The following MYO6 variants were observed in gnomAD, a reference collection of about 807,000 sequenced individuals.
The protein encoded by MYO6 is unconventional myosin-VI.
A neutral mutation model predicts 178.7 loss-of-function variants in MYO6; 74 were observed. That is an observed-to-expected ratio of 0.41 (90% confidence interval 0.34 to 0.50). MYO6 has a LOEUF of 0.50. Among genes scored for constraint, MYO6 ranks in the 20% least tolerant of loss-of-function variants. MYO6 has a pLI of 0.09. For synonymous variants in MYO6, 477 were observed against 504.6 expected (o/e 0.95, Z 0.73); for missense variants, 1,330 against 1,547.4 (o/e 0.86, Z 2.36).
At chr6:75,911,495 T>A (rs932894521) in intron 32 of MYO6, among the ~76,000 whole-genome samples, 177 bp from the exon 33 acceptor site, 2 of 151,928 alleles carry the variant, frequency 1.3e-5, no homozygotes, top group Non-Finnish European at 2.9e-5. Context: ...AATAGCCTTT[T>A]AAAAAAATCA....
At chr6:75,815,741 A>G (rs1346212522) in intron 1 of MYO6, among the ~76,000 whole-genome samples, 3 of 152,250 alleles carry the variant, frequency 2.0e-5, no homozygotes, top group African/African-American at 7.2e-5. Flanking sequence ...AATGAACTGT[A>G]TGCCAAACGT....
chr6:75,782,258 T>C (rs1767059216), intron 1 of MYO6, among the ~76,000 whole-genome samples: 1 of 152,202 alleles, frequency 6.6e-6, no homozygotes, highest in African/African-American at 2.4e-5. Context: ...TGTGTGTCAG[T>C]TTAAAATAGT....
chr6:75,867,196 A>T, intron 18 of MYO6, 91 bp downstream of exon 18: 6 of 1,086,210 alleles, frequency 5.5e-6, no homozygotes, highest in East Asian at 2.6e-5. Flanking sequence ...CACTGTCAGA[A>T]ATCTCACAGT....
chr6:75,909,363 C>CT (rs1191635583), intron 32 of MYO6, among the ~76,000 whole-genome samples: 1 of 152,208 alleles, frequency 6.6e-6, no homozygotes, highest in Non-Finnish European at 1.5e-5. Context: ...CATTTACACT[C>CT]TAATTCCTTT....
rs1443534092 is a variant in MYO6 at position 75,848,468 on chromosome 6, C to T, written c.1015C>T (p.Arg339Trp). Residue 339 changes from arginine (R) to tryptophan (W), a missense_variant, in exon 11 of 35, where the codon CGG (arginine) becomes TGG (tryptophan). Arg to Trp is a moderately radical substitution (Grantham distance 101). Transcript: ENST00000369977. ...TGATGAAGAAAAGCTTGATCTCTTC[C>T]GGGTAGTAGCTGGCGTCCTGCACCT... The part of the protein sequence containing the change: ...LDDEEKLDLF[R>W]VVAGVLHLGN... 5 of 1,613,810 alleles carry T rather than the reference C, an allele frequency of 3.1e-6. No homozygotes were observed. Among genetic ancestry groups the T allele is most frequent in the South Asian group, 1.1e-5 (1 of 91,070 alleles).
At chr6:75,816,745 A>G (rs1771287298) in intron 1 of MYO6, among the ~76,000 whole-genome samples, 2 of 152,258 alleles carry the variant, frequency 1.3e-5, no homozygotes, top group Middle Eastern at 6.8e-3. Flanking sequence ...TTTTACTTCC[A>G]CAGTTGATTT....
intron 1 of MYO6, among the ~76,000 whole-genome samples, chr6:75,785,285 T>G (rs1767421891): frequency 6.6e-6 from 1 of 152,176 alleles, no homozygotes; most frequent in Non-Finnish European, 1.5e-5. Flanking sequence ...CTTTCTCCTA[T>G]TTAAAAAGAA....
Position 75,754,519 on chromosome 6 carries a change from C to CAAAAAAAA in MYO6, c.-48+5116_-48+5123dup, listed in dbSNP as rs58162315. ...TGGACGATTGAGTGAGACTCCGTCT[C>CAAAAAAAA]AAAAAAAAAAAAAAAAAAAAAAAAA... On this transcript the variant is annotated intron_variant, in intron 1 of 34. Transcript: ENST00000369977. Among the ~76,000 whole-genome samples, 103 of 44,126 alleles carry CAAAAAAAA rather than the reference C, an allele frequency of 2.3e-3. 22 individuals are homozygous for CAAAAAAAA. Among genetic ancestry groups the CAAAAAAAA allele is most frequent in the South Asian group, 0.012 (8 of 644 alleles). The allele number at this position is 44,126 out of a possible 152,430, so 28.9% of individuals were successfully genotyped here.
chr6:75,870,615 G>T, intron 18 of MYO6, 32 bp from the exon 19 acceptor site: 8 of 1,596,048 alleles, frequency 5.0e-6, no homozygotes, highest in Non-Finnish European at 6.9e-6. Flanking sequence ...TTGGCTTTTT[G>T]AAATAATAAA....
At chr6:75,757,117 G>A (rs916990793) in intron 1 of MYO6, among the ~76,000 whole-genome samples, 12 of 143,930 alleles carry the variant, frequency 8.3e-5, no homozygotes, top group Non-Finnish European at 1.8e-4. Context: ...GTATATATGT[G>A]TATATATGTA....
intron 1 of MYO6, among the ~76,000 whole-genome samples, chr6:75,785,102 A>G (rs1048016912): frequency 1.3e-5 from 2 of 152,194 alleles, no homozygotes; most frequent in Admixed American, 6.5e-5. Context: ...TTGAGCATCA[A>G]CTGTATGCCA....
intron 8 of MYO6, 59 bp downstream of exon 8, chr6:75,840,741 G>GTAAC: frequency 8.1e-7 from 1 of 1,241,904 alleles, no homozygotes; most frequent in South Asian, 1.2e-5. Flanking sequence ...AAATGCAAGG[G>GTAAC]TCAGTTGGTG....
chr6:75,879,849 G>A lies in MYO6; in HGVS notation c.2107G>A (p.Gly703Ser), dbSNP rs753163582. 1.9e-6 allele frequency: 3 copies of A among 1,613,996 alleles called. No individual in the cohort carries two copies. The highest frequency in any genetic ancestry group is 3.3e-4 in the Middle Eastern group (2 of 6,062). The change falls in exon 21 of 35, where the codon GGT becomes AGT. Residue 703 changes from glycine (G) to serine (S), a missense_variant. Physicochemically the swap from Gly to Ser is moderately conservative, Grantham distance 56 (BLOSUM62 0). Coordinates refer to ENST00000369977, the MANE Select transcript of MYO6 (RefSeq NM_004999.4). ...GMVSVLDLMQ[G>S]GYPSRASFHE... ...GGTGTCTGTTTTGGACTTGATGCAG[G>A]GTGGTTACCCATCACGAGCTTCATT...
intron 1 of MYO6, among the ~76,000 whole-genome samples, chr6:75,757,711 G>T (rs1292038233): frequency 6.6e-6 from 1 of 151,764 alleles, no homozygotes; most frequent in Admixed American, 6.6e-5. Context: ...TCATTAACTT[G>T]GTCAAATTAT....
chr6:75,828,401 G>C (rs557036061), intron 3 of MYO6, 139 bp from the exon 4 acceptor site: 47 of 611,330 alleles, frequency 7.7e-5, no homozygotes, highest in African/African-American at 6.5e-4. Flanking sequence ...CATCAGCCAG[G>C]GTTTTAAAAA....
In MYO6 at chr6:75,886,914, T is replaced by G; in HGVS notation, c.2578T>G (p.Leu860Val). 6.2e-7 allele frequency: 1 copy of G among 1,613,780 alleles called. No homozygotes were observed. The highest frequency in any genetic ancestry group is 8.5e-7 in the Non-Finnish European group (1 of 1,179,812). The stretch of plus-strand genomic sequence containing the variant: ...TAAATTTAATGAGGTAGTCAGTGTG[T>G]TGAAAGATGGAAAACCCGAGATGAA... ...LDKFNEVVSV[L>V]KDGKPEMNKQ... The change falls in exon 25 of 35, where the codon TTG (leucine) becomes GTG (valine). Residue 860 changes from leucine (L) to valine (V), a missense_variant. Physicochemically the swap from Leu to Val is conservative, Grantham distance 32. Coordinates refer to ENST00000369977, the MANE Select transcript of MYO6 (RefSeq NM_004999.4).
chr6:75,899,735 TA>T (rs1178515104), intron 30 of MYO6, among the ~76,000 whole-genome samples: 2 of 151,572 alleles, frequency 1.3e-5, no homozygotes, highest in African/African-American at 2.4e-5. Flanking sequence ...AACATTTTTT[TA>T]AAAAAATTAT....
At chr6:75,907,015 G>A (rs9360956) in intron 30 of MYO6, among the ~76,000 whole-genome samples, 19,768 of 152,054 alleles carry the variant, frequency 0.13, 1,362 homozygotes, top group Non-Finnish European at 0.15. Context: ...GATTCCATCC[G>A]TTCTTTTAGC....
chr6:75,833,966 G>T (rs1050264249), intron 6 of MYO6, among the ~76,000 whole-genome samples: 4 of 152,334 alleles, frequency 2.6e-5, no homozygotes, highest in Non-Finnish European at 5.9e-5. Flanking sequence ...GCTCTGACAT[G>T]TTATTCACAC....
Sources: allele counts gnomAD v4.1 joint callset (sites outside exome capture counted in the v4.1 genomes callset), GRCh38; gene constraint gnomAD v4.1.1; transcripts MANE v1.5; gene names NCBI Gene and HGNC (gene_info 2026-07-23, HGNC 2026-07-21).